The following LSM4 variants were observed in gnomAD, a reference collection of about 807,000 sequenced individuals.
LSM4 encodes U6 snRNA-associated Sm-like protein LSm4.
A neutral mutation model predicts 22.3 loss-of-function variants in LSM4; 15 were observed. The ratio of observed to expected loss-of-function variants is 0.67; its 90% CI spans 0.45 to 1.03. LSM4 has a LOEUF of 1.03. LSM4 is among the 50% of genes least tolerant of loss of function. The pLI, the probability that LSM4 is intolerant of heterozygous loss-of-function variation, is 0.00. For synonymous variants in LSM4, 90 were observed against 79.8 expected, an observed-to-expected ratio of 1.13 and a Z score of -0.68; for missense variants, 127 against 198.0, an observed-to-expected ratio of 0.64 and a Z score of 2.15.
chr19:18,315,174 G>A (rs565672258), intron 2 of LSM4, among the ~76,000 whole-genome samples: 3 of 151,714 alleles, frequency 2.0e-5, no homozygotes, highest in South Asian at 4.2e-4. Context: ...CACCACGCCC[G>A]GCCAATATTA....
At chr19:18,311,540 T>C (rs1264222638) in intron 3 of LSM4, among the ~76,000 whole-genome samples, 1 of 152,048 alleles carries the variant, frequency 6.6e-6, no homozygotes, top group Non-Finnish European at 1.5e-5. Flanking sequence ...CCGCACATGC[T>C]CACGCACGCA....
chr19:18,310,369 G>A (rs1970285506), intron 3 of LSM4, among the ~76,000 whole-genome samples: 1 of 152,214 alleles, frequency 6.6e-6, no homozygotes, highest in African/African-American at 2.4e-5. Flanking sequence ...TCCTGACAGG[G>A]CCTGCGCTGG....
intron 1 of LSM4, among the ~76,000 whole-genome samples, chr19:18,319,025 C>A (rs1444407476): frequency 6.6e-6 from 1 of 151,966 alleles, no homozygotes; most frequent in Non-Finnish European, 1.5e-5. Context: ...GGCAGATCAC[C>A]TGAGGTCAGG....
chr19:18,307,473 G>T lies in LSM4; in HGVS notation c.411C>A (p.Gly137=), dbSNP rs776149751. The T allele has an allele frequency of 6.5e-7, 1 of 1,544,188 alleles. No homozygotes were observed. Among genetic ancestry groups the T allele is most frequent in the Non-Finnish European group, 8.7e-7 (1 of 1,146,534 alleles). The change falls in exon 5 of 5, where the codon GGC becomes GGA. Residue 137 remains glycine, a synonymous_variant. Coordinates refer to ENST00000593829, the MANE Select transcript of LSM4 (RefSeq NM_012321.5). ...CGGTCTGGGTGGGCGCTCACTGTTT[G>T]CCCGCCTGTCTGCCAGGCTTCTTCT... The part of the protein sequence containing the change: ...QPEKKPGRQA[G]KQ
chr19:18,309,643 G>A (rs772525038), intron 4 of LSM4, 35 bp downstream of exon 4: 25 of 1,543,412 alleles, frequency 1.6e-5, no homozygotes, highest in Middle Eastern at 2.2e-4. Context: ...CTGTCTTCCC[G>A]CCCCAGGTAC....
At chr19:18,314,169 A>G (rs991123382) in intron 2 of LSM4, among the ~76,000 whole-genome samples, 2 of 152,200 alleles carry the variant, frequency 1.3e-5, no homozygotes, top group African/African-American at 4.8e-5. Flanking sequence ...GAATGTTCAC[A>G]GTGACACTGT....
intron 4 of LSM4, among the ~76,000 whole-genome samples, chr19:18,308,344 A>C (rs1050910091): frequency 1.3e-5 from 2 of 152,200 alleles, no homozygotes; most frequent in Non-Finnish European, 2.9e-5. Flanking sequence ...TCAGGCCGGG[A>C]CCCAACATTG....
At position 18,316,078 on chromosome 19, in the gene LSM4, T is replaced by TA. The variant is rs760158389; in HGVS notation, c.4-14dup. 6 of 1,613,256 alleles carry TA rather than the reference T, an allele frequency of 3.7e-6. No homozygotes were observed. In the African/African-American group the frequency reaches 8.0e-5, roughly 22 times the overall value. ...GTGACAAGGGAAGCTGAAAGGCAAA[T>TA]AAAGCCACATGATTTGTCTGTTTGA... is the stretch of plus-strand genomic sequence containing the variant. On this transcript the variant is annotated splice_polypyrimidine_tract_variant and intron_variant, in intron 1 of 4. Coordinates refer to ENST00000593829, the MANE Select transcript of LSM4 (RefSeq NM_012321.5).
rs372355786 is a variant in LSM4 at position 18,309,881 on chromosome 19, G to T, written c.145-20C>A. On this transcript the variant is annotated intron_variant, in intron 3 of 4. Coordinates refer to ENST00000593829, the MANE Select transcript of LSM4 (RefSeq NM_012321.5). The stretch of plus-strand genomic sequence containing the variant: ...CCCGTCCTGCGGAGAAGGGGAGCAG[G>T]TTATTAACTTACCACCGGGCCGTCT... 7 of 1,609,960 alleles carry T rather than the reference G, an allele frequency of 4.3e-6. No homozygotes were observed. In the African/African-American group the frequency reaches 8.0e-5, roughly 18 times the overall value.
intron 1 of LSM4, among the ~76,000 whole-genome samples, chr19:18,318,845 C>G (rs559706380): frequency 1.3e-5 from 2 of 152,390 alleles, no homozygotes; most frequent in East Asian, 3.9e-4. Flanking sequence ...GGGCCACCAC[C>G]TGGTCTCAGC....
intron 4 of LSM4, among the ~76,000 whole-genome samples, chr19:18,308,244 G>A (rs186390250): frequency 7.8e-4 from 119 of 152,308 alleles, no homozygotes; most frequent in Non-Finnish European, 1.3e-3. Flanking sequence ...CAGGCTGCAC[G>A]CAGGGCACGC....
chr19:18,307,621 G>A lies in LSM4; in HGVS notation c.329-66C>T, dbSNP rs575288396. On this transcript the variant is annotated intron_variant, in intron 4 of 4. Transcript: ENST00000593829. ...GTGGGACCTTCGACAGGATCCCGGC[G>A]CCCTGAAACTCTAGGCCAGGTCACC... is the stretch of plus-strand genomic sequence containing the variant. 1.7e-5 allele frequency: 20 copies of A among 1,204,160 alleles called. No homozygotes were observed. The African/African-American group carries it at 2.1e-4, about 12-fold the overall frequency. 74.6% of individuals were successfully genotyped at this position (1,204,160 alleles called of 1,614,324 possible).
At position 18,312,705 on chromosome 19, in the gene LSM4, A is replaced by G. The variant is rs993656529; in HGVS notation, c.46-3T>C. 5 of 1,610,838 alleles carry G rather than the reference A, an allele frequency of 3.1e-6. No homozygotes were observed. Among genetic ancestry groups the G allele is most frequent in the East Asian group, 2.2e-5 (1 of 44,862 alleles). ...TCCCCATTTTTCAGCTCCACCAACT[A>G]GAAGAGAGACAGGCTAGAGGTTGGC... On this transcript the variant is annotated splice_polypyrimidine_tract_variant and splice_region_variant and intron_variant, in intron 2 of 4. Coordinates refer to ENST00000593829, the MANE Select transcript of LSM4 (RefSeq NM_012321.5).
intron 2 of LSM4, among the ~76,000 whole-genome samples, chr19:18,314,596 G>C (rs1970334660): frequency 6.6e-6 from 1 of 152,106 alleles, no homozygotes; most frequent in African/African-American, 2.4e-5. Context: ...CAGGCCACAG[G>C]GTGGATGAAC....
chr19:18,308,701 G>A (rs1223213572), intron 4 of LSM4, among the ~76,000 whole-genome samples: 1 of 152,164 alleles, frequency 6.6e-6, no homozygotes, highest in African/African-American at 2.4e-5. Context: ...GGGGTCAGGG[G>A]TCCAGATTCA....
intron 1 of LSM4, among the ~76,000 whole-genome samples, chr19:18,321,348 T>A (rs1970422629): frequency 6.6e-6 from 1 of 152,236 alleles, no homozygotes; most frequent in Non-Finnish European, 1.5e-5. Context: ...GCTCTCTGAA[T>A]CCTTGCACTT....
intron 4 of LSM4, among the ~76,000 whole-genome samples, chr19:18,307,990 C>T (rs987482345): frequency 2.0e-5 from 3 of 151,984 alleles, no homozygotes; most frequent in Non-Finnish European, 4.4e-5. Flanking sequence ...CACAGCCCCT[C>T]ATCTACCTGC....
intron 2 of LSM4, 113 bp downstream of exon 2, chr19:18,315,911 C>A (rs1970349755): frequency 1.1e-6 from 1 of 918,680 alleles, no homozygotes; most frequent in African/African-American, 1.6e-5. Context: ...GAGAAGAGAG[C>A]AAACTGCCAT....
At chr19:18,316,287 T>A in intron 1 of LSM4, 1 of 434,956 alleles carries the variant, frequency 2.3e-6, no homozygotes, top group Non-Finnish European at 4.2e-6. Flanking sequence ...ACACCCTCCC[T>A]ACTCCCGTAG....
Sources: gnomAD v4.1 joint callset for allele counts (sites outside exome capture counted in the v4.1 genomes callset) on GRCh38, gnomAD v4.1.1 for gene constraint, MANE v1.5 for transcripts, NCBI Gene and HGNC (gene_info 2026-07-23, HGNC 2026-07-21) for gene names.